The following ABLIM2 variants were observed in gnomAD, a reference collection of about 807,000 sequenced individuals.
The protein encoded by ABLIM2 is actin binding LIM protein family member 2, also known as actin-binding LIM protein 2.
ABLIM2 carries 53 observed loss-of-function variants against 97.7 expected under a neutral mutation model. The observed-to-expected ratio is 0.54, with a 90% CI of 0.44 to 0.68. The LOEUF (loss-of-function observed/expected upper bound fraction) is 0.68, where lower values mean the gene tolerates loss of function less well. Ranked by LOEUF, ABLIM2 falls within the 30% of genes least tolerant of loss-of-function variation. The pLI, the probability that ABLIM2 is intolerant of heterozygous loss-of-function variation, is 0.00. For missense variants in ABLIM2, 835 were observed against 867.2 expected (o/e 0.96, Z 0.47); for synonymous variants, 361 against 345.8 (o/e 1.04, Z -0.49).
At chr4:8,091,888 A>G (rs7669006) in intron 3 of ABLIM2, among the ~76,000 whole-genome samples, 28,657 of 111,744 alleles carry the variant, frequency 0.26, 4,034 homozygotes, top group East Asian at 0.3. Flanking sequence ...ATTATAATAT[A>G]TAACATAATA....
Position 8,112,696 on chromosome 4 carries a change from C to T in ABLIM2, c.11-6059G>A, listed in dbSNP as rs1190754423. 1.3e-5 allele frequency among the ~76,000 whole-genome samples: 2 copies of T among 152,212 alleles called. No individual in the cohort carries two copies. Among genetic ancestry groups the T allele is most frequent in the African/African-American group, 4.8e-5 (2 of 41,446 alleles). ...ACAGTGAACACAACAGCCACGGTCCCAGCCCTCGACATTCTCTTGTTTGTT... is the reference window on the plus strand; with the variant it reads ...ACAGTGAACACAACAGCCACGGTCCTAGCCCTCGACATTCTCTTGTTTGTT... On this transcript the variant is annotated intron_variant, in intron 1 of 20. Coordinates refer to ENST00000447017, the MANE Select transcript of ABLIM2 (RefSeq NM_001130083.2). The surrounding 1 kb of genome is among the most constrained non-coding windows in gnomAD (Gnocchi z 4.2).
intron 1 of ABLIM2, 105 bp from the exon 2 acceptor site, chr4:8,106,742 C>T (rs993483518): frequency 1.1e-5 from 15 of 1,390,052 alleles, no homozygotes; most frequent in Non-Finnish European, 1.4e-5. Flanking sequence ...CCAGCGGGCC[C>T]CGCACCCACC....
At position 8,075,883 on chromosome 4, in the gene ABLIM2, A is replaced by G. The variant is rs745386570; in HGVS notation, c.675+1745T>C. Among the ~76,000 whole-genome samples the G allele has an allele frequency of 1.3e-5, 2 of 152,254 alleles. No individual in the cohort carries two copies. The highest frequency in any genetic ancestry group is 2.4e-5 in the African/African-American group (1 of 41,466). ...GAAACACAGGGATGTTTGGGATACAACATGGCACAGATGGTTTGAGATCAA... is the reference window on the plus strand; with the variant it reads ...GAAACACAGGGATGTTTGGGATACAGCATGGCACAGATGGTTTGAGATCAA... On this transcript the variant is annotated intron_variant, in intron 6 of 20. Coordinates refer to ENST00000447017, the MANE Select transcript of ABLIM2 (RefSeq NM_001130083.2). This position sits in a 1 kb window ranked among gnomAD's most constrained non-coding sequence, Gnocchi z 4.4.
chr4:7,994,758 CT>C, intron 16 of ABLIM2, among the ~76,000 whole-genome samples: 1 of 116,670 alleles, frequency 8.6e-6, no homozygotes, highest in Non-Finnish European at 2.1e-5. Context: ...TCTCCAGCAC[CT>C]GTTGTTTCCT....
At chr4:8,066,434 G>C (rs1807756982) in intron 6 of ABLIM2, 1 of 145,580 alleles carries the variant, frequency 6.9e-6, no homozygotes, top group Non-Finnish European at 1.5e-5. Context: ...AGGAAGGGAG[G>C]GGTGGTTCCA....
rs1024960788 is a variant in ABLIM2, at chr4:8,152,988, G to A, written c.10+5692C>T. ...ACCCAGGCAGAGGCACAGCCAAGGG[G>A]TGCAGCAAGGAAGGGCCCTAAGTAT... On this transcript the variant is annotated intron_variant, in intron 1 of 20. Transcript: ENST00000447017. 2.6e-5 allele frequency among the ~76,000 whole-genome samples: 4 copies of A among 152,206 alleles called. No homozygotes were observed. The East Asian group carries it at 5.8e-4, about 22-fold the overall frequency.
In ABLIM2 at chr4:8,003,715, T is replaced by TC. The variant is rs1015873130; in HGVS notation, c.1618+4343dup. ...CAAGTAGCTGAGATTACAGGTATCC[T>TC]CCACCATGCCTGGCTGATTTTTTGT... On this transcript the variant is annotated intron_variant, in intron 16 of 20. Transcript: ENST00000447017. The surrounding 1 kb of genome is among the most constrained non-coding windows in gnomAD (Gnocchi z 4.2). 9.9e-5 allele frequency among the ~76,000 whole-genome samples: 15 copies of TC among 152,090 alleles called. No homozygotes were observed. In the East Asian group the frequency reaches 1.2e-3, roughly 12 times the overall value.
chr4:8,111,690 G>C (rs1296892850), intron 1 of ABLIM2, among the ~76,000 whole-genome samples: 2 of 152,298 alleles, frequency 1.3e-5, no homozygotes, highest in East Asian at 3.9e-4. Context: ...ACTTTGGGAA[G>C]CTGAGGTGGG....
Position 8,122,483 on chromosome 4 carries a change from C to A in ABLIM2, c.11-15846G>T, listed in dbSNP as rs1176421993. On this transcript the variant is annotated intron_variant, in intron 1 of 20. Transcript: ENST00000447017. The surrounding 1 kb of genome is among the most constrained non-coding windows in gnomAD (Gnocchi z 4.1). The stretch of plus-strand genomic sequence containing the variant: ...TGGTGAGGGCTCCCTTCCTGGCTTG[C>A]AGACAGCCGCCTTCTTACTGTGTCC... Among the ~76,000 whole-genome samples the A allele has an allele frequency of 1.3e-5, 2 of 152,212 alleles. No homozygotes were observed. Among genetic ancestry groups the A allele is most frequent in the South Asian group, 4.1e-4 (2 of 4,828 alleles).
chr4:7,980,673 C>G (rs1400968553), intron 20 of ABLIM2, among the ~76,000 whole-genome samples: 1 of 151,594 alleles, frequency 6.6e-6, no homozygotes, highest in Non-Finnish European at 1.5e-5. Flanking sequence ...CAAGATTGTG[C>G]CACTGCACTC....
chr4:8,141,080 C>A (rs1265594505), intron 1 of ABLIM2, among the ~76,000 whole-genome samples: 1 of 152,102 alleles, frequency 6.6e-6, no homozygotes, highest in Non-Finnish European at 1.5e-5. Context: ...TCTCGCCATC[C>A]TGCAAGTCAT....
chr4:8,074,619 T>G (rs1412150313), intron 6 of ABLIM2, among the ~76,000 whole-genome samples: 3 of 152,186 alleles, frequency 2.0e-5, no homozygotes, highest in African/African-American at 7.2e-5. Flanking sequence ...TCCTAGTTTT[T>G]GACTCAACTT....
At position 8,158,733 on chromosome 4, in the gene ABLIM2, C is replaced by A; in HGVS notation, c.-44G>T. ...TCGGGGCGGCCCGGCGCTGCGACAGCCAGACCCTCGGGCCCGCAGGTGCCG... is the reference window on the plus strand; with the variant it reads ...TCGGGGCGGCCCGGCGCTGCGACAGACAGACCCTCGGGCCCGCAGGTGCCG... On this transcript the variant is annotated 5_prime_UTR_variant, in exon 1 of 21. Transcript: ENST00000447017. 7.1e-7 allele frequency: 1 copy of A among 1,406,200 alleles called. No individual in the cohort carries two copies. The highest frequency in any genetic ancestry group is 9.3e-7 in the Non-Finnish European group (1 of 1,079,308). 87.1% of individuals were successfully genotyped at this position (1,406,200 alleles called of 1,614,324 possible).
intron 1 of ABLIM2, among the ~76,000 whole-genome samples, chr4:8,117,659 A>G (rs1401262263): frequency 6.7e-6 from 1 of 150,212 alleles, no homozygotes; most frequent in Non-Finnish European, 1.5e-5. Flanking sequence ...GGCCCCAAAG[A>G]CTGCTTCTTC....
At chr4:8,035,739 G>A (rs987009073) in intron 10 of ABLIM2, among the ~76,000 whole-genome samples, 1 of 152,220 alleles carries the variant, frequency 6.6e-6, no homozygotes, top group African/African-American at 2.4e-5. Context: ...GAGGAGCATG[G>A]GGCAGAGCCA....
chr4:8,122,216 C>T lies in ABLIM2; in HGVS notation c.11-15579G>A, dbSNP rs76792436. Among the ~76,000 whole-genome samples the T allele has an allele frequency of 7.0e-4, 106 of 152,312 alleles. 2 individuals carry two copies. In the East Asian group the frequency reaches 0.019, roughly 28 times the overall value. On this transcript the variant is annotated intron_variant, in intron 1 of 20. Transcript: ENST00000447017. This position sits in a 1 kb window ranked among gnomAD's most constrained non-coding sequence, Gnocchi z 4.1. Reference sequence around the variant, plus strand: ...CCACACCAGCCTGGATGGGGAGTCTCGCTGCCCCCTGTGCATCTCCATCAT... The same window carrying T: ...CCACACCAGCCTGGATGGGGAGTCTTGCTGCCCCCTGTGCATCTCCATCAT...
At chr4:7,984,732 G>A (rs1285151828) in intron 18 of ABLIM2, 107 bp downstream of exon 18, 40 of 1,272,888 alleles carry the variant, frequency 3.1e-5, no homozygotes, top group Middle Eastern at 1.9e-4. Flanking sequence ...CGGCACTCCC[G>A]GAGCCTTCTG....
chr4:8,071,684 T>TC lies in ABLIM2; in HGVS notation c.675+5943dup. ...CGAGGTCTCACACCTGACTGCTCTG[T>TC]CCCCAAAAACCCACCCACCCGCAGC... On this transcript the variant is annotated intron_variant, in intron 6 of 20. Transcript: ENST00000447017. The surrounding 1 kb of genome is among the most constrained non-coding windows in gnomAD (Gnocchi z 6.2). 61 of 968,530 alleles carry TC rather than the reference T, an allele frequency of 6.3e-5. No individual in the cohort carries two copies. Among genetic ancestry groups the TC allele is most frequent in the South Asian group, 9.5e-5 (2 of 21,014 alleles). 60.0% of individuals were successfully genotyped at this position (968,530 alleles called of 1,614,324 possible). A position where few individuals can be genotyped will look rare whatever the true frequency, so the allele number is the denominator to read the frequency against.
intron 16 of ABLIM2, among the ~76,000 whole-genome samples, chr4:7,995,075 A>G (rs922853049): frequency 3.2e-5 from 2 of 62,132 alleles, no homozygotes; most frequent in African/African-American, 7.6e-5. Context: ...ACATGAAGAA[A>G]TGCTCATCAT....
Sources: gnomAD v4.1 joint callset for allele counts (sites outside exome capture counted in the v4.1 genomes callset) on GRCh38, gnomAD v4.1.1 for gene constraint, Gnocchi (gnomAD v3.1) non-coding constraint, MANE v1.5 for transcripts, NCBI Gene and HGNC (gene_info 2026-07-23, HGNC 2026-07-21) for gene names.